Variants in KCTD20 observed in about 807,000 individuals in gnomAD.
KCTD20 encodes potassium channel tetramerization domain containing 20.
A neutral mutation model predicts 39.6 loss-of-function variants in KCTD20; 30 were observed. The ratio of observed to expected loss-of-function variants is 0.76; its 90% CI spans 0.57 to 1.03. The LOEUF (loss-of-function observed/expected upper bound fraction) is 1.03, where lower values mean the gene tolerates loss of function less well. KCTD20 is among the 50% of genes least tolerant of loss of function. The pLI is 0.00. For synonymous variants in KCTD20, 162 were observed against 180.6 expected (o/e 0.90, Z 0.83); for missense variants, 422 against 522.0 (o/e 0.81, Z 1.87).
intron 3 of KCTD20, among the ~76,000 whole-genome samples, chr6:36,475,839 C>A (rs1384152250): frequency 2.6e-5 from 4 of 152,152 alleles, no homozygotes; most frequent in Admixed American, 6.5e-5. Context: ...CCATCTATTG[C>A]AAGTTTTATG....
chr6:36,476,156 C>T (rs188246026), intron 3 of KCTD20, among the ~76,000 whole-genome samples: 1 of 152,082 alleles, frequency 6.6e-6, no homozygotes, highest in African/African-American at 2.4e-5. Context: ...GTCTTTCTGG[C>T]CAACCATAGA....
At chr6:36,478,807 T>G (rs1776149550) in intron 3 of KCTD20, among the ~76,000 whole-genome samples, 1 of 152,186 alleles carries the variant, frequency 6.6e-6, no homozygotes, top group Admixed American at 6.5e-5. Flanking sequence ...ACAGATATTT[T>G]CCAAGGGCCA....
At chr6:36,448,287 T>G (rs1306618198) in intron 1 of KCTD20, among the ~76,000 whole-genome samples, 1 of 152,062 alleles carries the variant, frequency 6.6e-6, no homozygotes, top group Non-Finnish European at 1.5e-5. Flanking sequence ...AATTTGAATT[T>G]TATATGCTAT....
At chr6:36,480,994 C>G (rs183399870) in intron 5 of KCTD20, among the ~76,000 whole-genome samples, 91 of 152,328 alleles carry the variant, frequency 6.0e-4, no homozygotes, top group Admixed American at 7.8e-4. Context: ...AGGATGAGAA[C>G]TCAGATTGTC....
chr6:36,489,885 T>C lies in KCTD20; in HGVS notation c.*2710T>C, dbSNP rs892101284. The C allele has an allele frequency of 1.3e-5, 2 of 151,816 alleles. No homozygotes were observed. Among genetic ancestry groups the C allele is most frequent in the African/African-American group, 2.4e-5 (1 of 41,310 alleles). The allele number at this position is 151,816 out of a possible 1,614,324, so 9.4% of individuals were successfully genotyped here. ...TGAGGAAACATTTGCCACTGAGGAGTTGGAGGGAGGGCAAGACGACAGTGT... is the reference window on the plus strand; with the variant it reads ...TGAGGAAACATTTGCCACTGAGGAGCTGGAGGGAGGGCAAGACGACAGTGT... On this transcript the variant is annotated 3_prime_UTR_variant, in exon 8 of 8. Transcript: ENST00000373731.
intron 1 of KCTD20, among the ~76,000 whole-genome samples, chr6:36,450,191 G>A (rs1309272982): frequency 3.0e-4 from 33 of 110,210 alleles, no homozygotes; most frequent in East Asian, 2.5e-3. Context: ...AAAAAAAAAA[G>A]AAGTTATGTA....
chr6:36,479,273 A>T (rs1776163859), intron 4 of KCTD20, 50 bp downstream of exon 4: 2 of 1,297,258 alleles, frequency 1.5e-6, no homozygotes, highest in African/African-American at 3.0e-5. Context: ...GGCATGTGTG[A>T]TCAATAGCCT....
intron 1 of KCTD20, among the ~76,000 whole-genome samples, chr6:36,445,756 A>C (rs1010335239): frequency 5.3e-5 from 8 of 152,234 alleles, no homozygotes; most frequent in Non-Finnish European, 1.0e-4. Context: ...TGTTCTTCCC[A>C]CCAAATTAAA....
Position 36,487,498 on chromosome 6 carries a change from A to G in KCTD20, c.*323A>G, listed in dbSNP as rs573739314. On this transcript the variant is annotated 3_prime_UTR_variant, in exon 8 of 8. Transcript: ENST00000373731. ...GACTCCTGTTGCCTCGTGCTTAGCA[A>G]AGCAGTCCTTATCCTTTATACTCTG... 18 of 316,010 alleles carry G rather than the reference A, an allele frequency of 5.7e-5. No homozygotes were observed. The South Asian group carries it at 6.2e-4, about 11-fold the overall frequency. The allele number at this position is 316,010 out of a possible 1,614,324, so 19.6% of individuals were successfully genotyped here. A position where few individuals can be genotyped will look rare whatever the true frequency, so the allele number is the denominator to read the frequency against.
intron 1 of KCTD20, among the ~76,000 whole-genome samples, chr6:36,454,079 A>G (rs990420668): frequency 2.6e-5 from 4 of 152,218 alleles, no homozygotes; most frequent in Admixed American, 6.5e-5. Flanking sequence ...GAGACTTACT[A>G]TGTAGCCTGA....
chr6:36,461,865 A>G (rs190267426), intron 1 of KCTD20, among the ~76,000 whole-genome samples: 16 of 152,254 alleles, frequency 1.1e-4, no homozygotes, highest in Admixed American at 1.0e-3. Context: ...CTGGCCTGTG[A>G]TTTGTAGAGA....
chr6:36,464,599 CCT>C (rs1775689415), intron 1 of KCTD20, among the ~76,000 whole-genome samples: 1 of 152,132 alleles, frequency 6.6e-6, no homozygotes, highest in Non-Finnish European at 1.5e-5. Context: ...TCCCCATCCC[CCT>C]CTGTTTCCCC....
At chr6:36,485,259 T>C (rs1186277905) in intron 7 of KCTD20, among the ~76,000 whole-genome samples, 1 of 151,704 alleles carries the variant, frequency 6.6e-6, no homozygotes, top group Non-Finnish European at 1.5e-5. Context: ...CCCAGCACTT[T>C]GGGATACCAA....
At chr6:36,466,956 T>C (rs1775773550) in intron 1 of KCTD20, among the ~76,000 whole-genome samples, 1 of 152,016 alleles carries the variant, frequency 6.6e-6, no homozygotes. Flanking sequence ...GAAATAGAGT[T>C]TATAGGGGAC....
At chr6:36,465,377 G>T (rs1011494599) in intron 1 of KCTD20, among the ~76,000 whole-genome samples, 158 of 143,126 alleles carry the variant, frequency 1.1e-3, no homozygotes, top group Non-Finnish European at 1.6e-3. Context: ...ATTCCAATTA[G>T]TTTTTTTTTG....
At chr6:36,449,498 G>T (rs1342313790) in intron 1 of KCTD20, among the ~76,000 whole-genome samples, 1 of 152,008 alleles carries the variant, frequency 6.6e-6, no homozygotes, top group African/African-American at 2.4e-5. Context: ...TTTACAGAGT[G>T]CTGATTGGTG....
chr6:36,443,026 C>T lies in KCTD20; in HGVS notation c.-132C>T, dbSNP rs906208577. 2.6e-5 allele frequency: 4 copies of T among 151,244 alleles called. No homozygotes were observed. The highest frequency in any genetic ancestry group is 4.4e-5 in the Non-Finnish European group (3 of 67,740). The allele number at this position is 151,244 out of a possible 1,614,324, so 9.4% of individuals were successfully genotyped here. A position where few individuals can be genotyped will look rare whatever the true frequency, so the allele number is the denominator to read the frequency against. ...CGCGCCGCTGCGGCACAGCCGGTCCCGGCTGCGGCTTCTGGCTGCGCGGCC... is the reference window on the plus strand; with the variant it reads ...CGCGCCGCTGCGGCACAGCCGGTCCTGGCTGCGGCTTCTGGCTGCGCGGCC... On this transcript the variant is annotated 5_prime_UTR_variant, in exon 1 of 8. Transcript: ENST00000373731.
At position 36,450,163 on chromosome 6, in the gene KCTD20, T is replaced by TAAAAA. The variant is rs576681021; in HGVS notation, c.-47+7075_-47+7079dup. Among the ~76,000 whole-genome samples the TAAAAA allele has an allele frequency of 5.3e-4, 56 of 105,846 alleles. No individual in the cohort carries two copies. In the East Asian group the frequency reaches 9.4e-3, roughly 18 times the overall value. 69.4% of individuals were successfully genotyped at this position (105,846 alleles called of 152,430 possible). On this transcript the variant is annotated intron_variant, in intron 1 of 7. Transcript: ENST00000373731. ...TGGGCAACAGAGTGAGACTCCGTCCTAAAAAAAAAAAAAAAAAAAAAAAAA... is the reference window on the plus strand; with the variant it reads ...TGGGCAACAGAGTGAGACTCCGTCCTAAAAAAAAAAAAAAAAAAAAAAAAAAAAAA...
intron 1 of KCTD20, among the ~76,000 whole-genome samples, chr6:36,466,693 C>T (rs1317742093): frequency 6.6e-6 from 1 of 151,764 alleles, no homozygotes; most frequent in Non-Finnish European, 1.5e-5. Context: ...TTTTTTCTTT[C>T]CTTTTTTTTT....
Sources: gnomAD v4.1 joint callset for allele counts (sites outside exome capture counted in the v4.1 genomes callset) on GRCh38, gnomAD v4.1.1 for gene constraint, MANE v1.5 for transcripts, NCBI Gene and HGNC (gene_info 2026-07-23, HGNC 2026-07-21) for gene names.